Variants in CTAGE1 observed in about 807,000 individuals in gnomAD.
The protein encoded by CTAGE1 is cTAGE family member 2.
For synonymous variants in CTAGE1, 332 were observed against 302.8 expected (o/e 1.10, Z -1.00); for missense variants, 963 against 855.9 (o/e 1.13, Z -1.56).
chr18:22,415,416 A>C lies in CTAGE1; in HGVS notation c.*158T>G. 1.6e-6 allele frequency: 1 copy of C among 623,100 alleles called. No homozygotes were observed. Among genetic ancestry groups the C allele is most frequent in the Non-Finnish European group, 2.8e-6 (1 of 351,430 alleles). The allele number at this position is 623,100 out of a possible 1,614,324, so 38.6% of individuals were successfully genotyped here. A position where few individuals can be genotyped will look rare whatever the true frequency, so the allele number is the denominator to read the frequency against. On this transcript the variant is annotated 3_prime_UTR_variant, in exon 1 of 1. Transcript: ENST00000391403. ...TTTCAATCTGAACAAAAGTGTAATC[A>C]CTTAAGTAACAGCAGTTACTTAAAC...
Position 22,416,614 on chromosome 18 carries a change from T to C in CTAGE1, c.1198A>G (p.Thr400Ala), listed in dbSNP as rs2035018325. 3 of 1,613,316 alleles carry C rather than the reference T, an allele frequency of 1.9e-6. No individual in the cohort carries two copies. Among genetic ancestry groups the C allele is most frequent in the Admixed American group, 3.3e-5 (2 of 59,878 alleles). The stretch of plus-strand genomic sequence containing the variant: ...AGATCTTTGGCTCGCTTTCGGTAGG[T>C]CTCCAGCTCTTCAGTGGCATGGCTG... Reference protein sequence around the residue: ...MISHATEELETYRKRAKDLKE... With the variant: ...MISHATEELEAYRKRAKDLKE... Residue 400 changes from threonine to alanine, a missense_variant, in exon 1 of 1, where the codon ACC (threonine) becomes GCC (alanine). Physicochemically the swap from Thr to Ala is moderately conservative, Grantham distance 58. Transcript: ENST00000391403.
chr18:22,417,302 A>G lies in CTAGE1; in HGVS notation c.510T>C (p.Asn170=), dbSNP rs767993073. The change falls in exon 1 of 1, where the codon AAT becomes AAC. Residue 170 remains asparagine, a synonymous_variant. Transcript: ENST00000391403. ...GTATTTCTATCTCCAACCGTTCTTC[A>G]TTCGCTTGAAATCTCTTGAAGGTCA... The part of the protein sequence containing the change: ...AKMTFKRFQA[N]EERLEIEIQD... 6.2e-7 allele frequency: 1 copy of G among 1,613,944 alleles called. No individual in the cohort carries two copies. Among genetic ancestry groups the G allele is most frequent in the South Asian group, 1.1e-5 (1 of 91,076 alleles).
chr18:22,416,600 T>C lies in CTAGE1; in HGVS notation c.1212A>G (p.Arg404=). 1 of 1,610,808 alleles carries C rather than the reference T, an allele frequency of 6.2e-7. No homozygotes were observed. The highest frequency in any genetic ancestry group is 8.5e-7 in the Non-Finnish European group (1 of 1,179,426). The change falls in exon 1 of 1, where the codon CGA becomes CGG. Residue 404 remains arginine (R), a synonymous_variant. Transcript: ENST00000391403. The part of the protein sequence containing the change: ...ATEELETYRK[R]AKDLKEFEKT... ...TCTCAAATTCTTTAAGATCTTTGGC[T>C]CGCTTTCGGTAGGTCTCCAGCTCTT...
In CTAGE1 at chr18:22,417,751, C is replaced by T. The variant is rs373450822; in HGVS notation, c.61G>A (p.Ala21Thr). 1.2e-6 allele frequency: 2 copies of T among 1,614,230 alleles called. No individual in the cohort carries two copies. Among genetic ancestry groups the T allele is most frequent in the Non-Finnish European group, 8.5e-7 (1 of 1,180,042 alleles). The change falls in exon 1 of 1, where the codon GCT (alanine) becomes ACT (threonine). Residue 21 changes from alanine to threonine, a missense_variant. Ala to Thr is a moderately conservative substitution (Grantham distance 58, BLOSUM62 0). Transcript: ENST00000391403. ...PWELVIRAAV[A>T]GFFAVLFLWR... is the part of the protein sequence containing the mutation. ...AAGAAGAGAACAGCAAAAAATCCAG[C>T]AACAGCTGCACGTATCACCAATTCC...
At position 22,414,349 on chromosome 18, in the gene CTAGE1, C is replaced by T. The variant is rs2143789187; in HGVS notation, c.*1225G>A. ...AGGAAGCCCCAGTGTACAATAAGGG[C>T]ACCTCATGTCTCAAATAGTTACTTT... is the stretch of plus-strand genomic sequence containing the variant. On this transcript the variant is annotated 3_prime_UTR_variant, in exon 1 of 1. Coordinates refer to ENST00000391403, the MANE Select transcript of CTAGE1 (RefSeq NM_172241.3). 3.5e-6 allele frequency: 1 copy of T among 287,052 alleles called. No individual in the cohort carries two copies. Among genetic ancestry groups the T allele is most frequent in the African/African-American group, 2.2e-5 (1 of 45,708 alleles). 17.8% of individuals were successfully genotyped at this position (287,052 alleles called of 1,614,324 possible).
At position 22,417,293 on chromosome 18, in the gene CTAGE1, C is replaced by T. The variant is rs1344898617; in HGVS notation, c.519G>A (p.Arg173=). 1.2e-6 allele frequency: 2 copies of T among 1,613,988 alleles called. No homozygotes were observed. Among genetic ancestry groups the T allele is most frequent in the Admixed American group, 3.3e-5 (2 of 60,026 alleles). ...TFKRFQANEE[R]LEIEIQDAWK... ...AAGCATCTTGTATTTCTATCTCCAA[C>T]CGTTCTTCATTCGCTTGAAATCTCT... Residue 173 remains arginine, a synonymous_variant, in exon 1 of 1, where the codon CGG becomes CGA. Transcript: ENST00000391403.
At position 22,414,956 on chromosome 18, in the gene CTAGE1, G is replaced by A. The variant is rs755908040; in HGVS notation, c.*618C>T. The A allele has an allele frequency of 5.4e-5, 33 of 613,888 alleles. No homozygotes were observed. The highest frequency in any genetic ancestry group is 8.2e-5 in the East Asian group (3 of 36,666). The allele number at this position is 613,888 out of a possible 1,614,324, so 38.0% of individuals were successfully genotyped here. On this transcript the variant is annotated 3_prime_UTR_variant, in exon 1 of 1. Transcript: ENST00000391403. ...AACACGAATACTTTCTGCTATAAAT[G>A]TTTTACACTCTCAAAGTACTGAAAG...
In CTAGE1 at chr18:22,416,665, T is replaced by C. The variant is rs775128923; in HGVS notation, c.1147A>G (p.Lys383Glu). 6.2e-7 allele frequency: 1 copy of C among 1,614,000 alleles called. No homozygotes were observed. The highest frequency in any genetic ancestry group is 8.5e-7 in the Non-Finnish European group (1 of 1,179,972). Residue 383 changes from lysine to glutamate, a missense_variant, in exon 1 of 1, where the codon AAA becomes GAA. Transcript: ENST00000391403. ...ATCATTTCGTCTACTTTAGAAAGTT[T>C]CTCTTCTTTCTCTAACCGGCATTTT... ...EEKCRLEKEEKLSKVDEMISH... is the reference protein window; with the variant it reads ...EEKCRLEKEEELSKVDEMISH...
chr18:22,416,687 T>A lies in CTAGE1; in HGVS notation c.1125A>T (p.Lys375Asn). ...GTTTCTCTTCTTTCTCTAACCGGCA[T>A]TTTTCCTCTACTATTAATTTCCTGT... ...KLYRKLIVEE[K>N]CRLEKEEKLS... Residue 375 changes from lysine (K) to asparagine (N), a missense_variant, in exon 1 of 1, where the codon AAA becomes AAT. Coordinates refer to ENST00000391403, the MANE Select transcript of CTAGE1 (RefSeq NM_172241.3). 6.2e-7 allele frequency: 1 copy of A among 1,613,908 alleles called. No individual in the cohort carries two copies. The highest frequency in any genetic ancestry group is 8.5e-7 in the Non-Finnish European group (1 of 1,179,924).
In CTAGE1 at chr18:22,416,388, T is replaced by C. The variant is rs141848460; in HGVS notation, c.1424A>G (p.Asp475Gly). ...KLLEKDPYGL[D>G]VPNTAFGRQH... ...TCTGCCAAATGCTGTATTTGGAACA[T>C]CAAGTCCATAAGGATCTTTTTCTAA... The change falls in exon 1 of 1, where the codon GAT becomes GGT. Residue 475 changes from aspartate to glycine, a missense_variant. Physicochemically the swap from Asp to Gly is moderately conservative, Grantham distance 94. Transcript: ENST00000391403. 111 of 1,613,962 alleles carry C rather than the reference T, an allele frequency of 6.9e-5. No individual in the cohort carries two copies. The African/African-American group carries it at 1.2e-3, about 17-fold the overall frequency.
Position 22,415,331 on chromosome 18 carries a change from T to G in CTAGE1, c.*243A>C. ...AAAATGAAATAATTTACTCATAAGA[T>G]TCATATTTAAATCATCCTCATTTAC... On this transcript the variant is annotated 3_prime_UTR_variant, in exon 1 of 1. Coordinates refer to ENST00000391403, the MANE Select transcript of CTAGE1 (RefSeq NM_172241.3). 2.2e-6 allele frequency: 1 copy of G among 445,086 alleles called. No homozygotes were observed. Among genetic ancestry groups the G allele is most frequent in the African/African-American group, 2.0e-5 (1 of 49,562 alleles). The allele number at this position is 445,086 out of a possible 1,614,324, so 27.6% of individuals were successfully genotyped here.
chr18:22,414,696 T>A lies in CTAGE1; in HGVS notation c.*878A>T. On this transcript the variant is annotated 3_prime_UTR_variant, in exon 1 of 1. Coordinates refer to ENST00000391403, the MANE Select transcript of CTAGE1 (RefSeq NM_172241.3). The stretch of plus-strand genomic sequence containing the variant: ...AAGCAGAACATAAAACTAAAACTAT[T>A]AGAACACCAACAGAGGTAAAGGTTG... The A allele has an allele frequency of 1.4e-6, 1 of 702,984 alleles. No individual in the cohort carries two copies. 43.5% of individuals were successfully genotyped at this position (702,984 alleles called of 1,614,324 possible). A position where few individuals can be genotyped will look rare whatever the true frequency, so the allele number is the denominator to read the frequency against.
In CTAGE1 at chr18:22,417,291, A is replaced by G; in HGVS notation, c.521T>C (p.Leu174Ser). The G allele has an allele frequency of 1.2e-6, 2 of 1,613,936 alleles. No individual in the cohort carries two copies. Among genetic ancestry groups the G allele is most frequent in the Non-Finnish European group, 1.7e-6 (2 of 1,179,862 alleles). ...CCAAGCATCTTGTATTTCTATCTCC[A>G]ACCGTTCTTCATTCGCTTGAAATCT... ...FKRFQANEERLEIEIQDAWKE... is the reference protein window; with the variant it reads ...FKRFQANEERSEIEIQDAWKE... The change falls in exon 1 of 1, where the codon TTG becomes TCG. Residue 174 changes from leucine (L) to serine (S), a missense_variant. Leu to Ser is a moderately radical substitution (Grantham distance 145). Coordinates refer to ENST00000391403, the MANE Select transcript of CTAGE1 (RefSeq NM_172241.3).
rs2034988140 is a variant in CTAGE1, at chr18:22,414,685, AC to A, written c.*888del. 1 of 702,888 alleles carries A rather than the reference AC, an allele frequency of 1.4e-6. No individual in the cohort carries two copies. The highest frequency in any genetic ancestry group is 2.6e-6 in the Non-Finnish European group (1 of 385,010). 43.5% of individuals were successfully genotyped at this position (702,888 alleles called of 1,614,324 possible). ...CAGCAAGAGAAAAGCAGAACATAAA[AC>A]TAAAACTATTAGAACACCAACAGAG... is the stretch of plus-strand genomic sequence containing the variant. On this transcript the variant is annotated 3_prime_UTR_variant, in exon 1 of 1. Transcript: ENST00000391403.
At position 22,415,867 on chromosome 18, in the gene CTAGE1, G is replaced by T. The variant is rs1311368240; in HGVS notation, c.1945C>A (p.Leu649Ile). Residue 649 changes from leucine to isoleucine, a missense_variant, in exon 1 of 1, where the codon CTC (leucine) becomes ATC (isoleucine). Coordinates refer to ENST00000391403, the MANE Select transcript of CTAGE1 (RefSeq NM_172241.3). ...LGNLKVPDSS[L>I]PAENEATGPG... ...CCAGTTGCTTCATTTTCAGCGGGGA[G>T]AGATGAATCAGGCACCTTTAAATTA... 1 of 1,613,854 alleles carries T rather than the reference G, an allele frequency of 6.2e-7. No homozygotes were observed. Among genetic ancestry groups the T allele is most frequent in the Non-Finnish European group, 8.5e-7 (1 of 1,179,878 alleles).
At position 22,415,772 on chromosome 18, in the gene CTAGE1, C is replaced by A; in HGVS notation, c.2040G>T (p.Pro680=). The A allele has an allele frequency of 2.5e-6, 4 of 1,613,910 alleles. No individual in the cohort carries two copies. Among genetic ancestry groups the A allele is most frequent in the Non-Finnish European group, 3.4e-6 (4 of 1,179,860 alleles). The change falls in exon 1 of 1, where the codon CCG becomes CCT. Residue 680 remains proline, a synonymous_variant. Transcript: ENST00000391403. ...GLLFPVDTRG[P]FIRRGPPFPP... is the part of the protein sequence containing the mutation. ...GGAAAGGAGGTCCTCTTCTTATGAA[C>A]GGGCCCCTTGTATCTACTGGAAACA...
rs1325408311 is a variant in CTAGE1 at position 22,416,128 on chromosome 18, C to A, written c.1684G>T (p.Gly562Trp). 2.5e-6 allele frequency: 4 copies of A among 1,613,944 alleles called. No homozygotes were observed. The highest frequency in any genetic ancestry group is 3.4e-6 in the Non-Finnish European group (4 of 1,179,864). ...TDPHRAPSDA[G>W]PLAPPWEQDY... ...TGTTCCCACGGAGGTGCCAGGGGCC[C>A]AGCGTCAGAAGGAGCCCTGTGAGGA... The change falls in exon 1 of 1, where the codon GGG (glycine) becomes TGG (tryptophan). Residue 562 changes from glycine to tryptophan, a missense_variant. Transcript: ENST00000391403.
rs114380529 is a variant in CTAGE1, at chr18:22,415,726, C to T, written c.2086G>A (p.Val696Met). The change falls in exon 1 of 1, where the codon GTG becomes ATG. Residue 696 changes from valine to methionine, a missense_variant. Val to Met is a conservative substitution (Grantham distance 21). Transcript: ENST00000391403. ...AAATAATCTGGAGAAGCTCCAAACACGGTTCCTGGAGGAGGTGGGGGGAAA... is the reference window on the plus strand; with the variant it reads ...AAATAATCTGGAGAAGCTCCAAACATGGTTCCTGGAGGAGGTGGGGGGAAA... ...PPFPPPPPGT[V>M]FGASPDYFSP... 5.0e-3 allele frequency: 8,086 copies of T among 1,613,906 alleles called. 321 individuals are homozygous for T. In the African/African-American group the frequency reaches 0.09, roughly 18 times the overall value.
Position 22,415,236 on chromosome 18 carries a change from T to C in CTAGE1, c.*338A>G, listed in dbSNP as rs1291693174. On this transcript the variant is annotated 3_prime_UTR_variant, in exon 1 of 1. Transcript: ENST00000391403. Reference sequence around the variant, plus strand: ...CTCCCCACCTGCAAGATTACATATATAAAGCTCCCACCATTCTTTATATAA... The same window carrying C: ...CTCCCCACCTGCAAGATTACATATACAAAGCTCCCACCATTCTTTATATAA... The C allele has an allele frequency of 8.0e-6, 2 of 249,198 alleles. No homozygotes were observed. The highest frequency in any genetic ancestry group is 4.5e-5 in the African/African-American group (2 of 44,628). 15.4% of individuals were successfully genotyped at this position (249,198 alleles called of 1,614,324 possible).
Sources: gnomAD v4.1 joint callset for allele counts on GRCh38, gnomAD v4.1.1 for gene constraint, MANE v1.5 for transcripts, NCBI Gene and HGNC (gene_info 2026-07-23, HGNC 2026-07-21) for gene names.